The following SRBD1 variants were observed in gnomAD, a reference collection of about 807,000 sequenced individuals.
The protein encoded by SRBD1 is S1 RNA-binding domain-containing protein 1.
Under a neutral mutation model 115.3 loss-of-function variants are expected in SRBD1, and 88 were observed. The observed-to-expected ratio is 0.76, with a 90% confidence interval of 0.64 to 0.91. The LOEUF (loss-of-function observed/expected upper bound fraction) is 0.91. SRBD1 is among the 40% of genes least tolerant of loss of function. The pLI is 0.00. For synonymous variants in SRBD1, 509 were observed against 407.7 expected, an observed-to-expected ratio of 1.25 and a Z score of -2.99; for missense variants, 1,385 against 1,177.4, an observed-to-expected ratio of 1.18 and a Z score of -2.58.
chr2:45,511,246 C>T (rs898087819), intron 14 of SRBD1, among the ~76,000 whole-genome samples: 4 of 152,190 alleles, frequency 2.6e-5, no homozygotes, highest in Non-Finnish European at 4.4e-5. Context: ...TTTGTTGTTT[C>T]GCCAAAGCTG....
intron 16 of SRBD1, among the ~76,000 whole-genome samples, chr2:45,454,452 G>T (rs1669091714): frequency 6.6e-6 from 1 of 151,798 alleles, no homozygotes; most frequent in African/African-American, 2.4e-5. Context: ...ATTAATAGTT[G>T]TACATTTCTT....
At chr2:45,610,925 C>G (rs971632836) in intron 1 of SRBD1, among the ~76,000 whole-genome samples, 3 of 114,156 alleles carry the variant, frequency 2.6e-5, no homozygotes, top group Non-Finnish European at 5.2e-5. Flanking sequence ...GAGACTCCGT[C>G]TCAAAAAAAA....
chr2:45,393,505 C>T (rs1470985019), intron 19 of SRBD1, among the ~76,000 whole-genome samples: 7 of 152,062 alleles, frequency 4.6e-5, no homozygotes, highest in Non-Finnish European at 1.0e-4. Flanking sequence ...CTCAGCCTCC[C>T]GAGTAGCTGG....
At chr2:45,488,636 C>A (rs948407297) in intron 14 of SRBD1, among the ~76,000 whole-genome samples, 1 of 152,070 alleles carries the variant, frequency 6.6e-6, no homozygotes, top group Non-Finnish European at 1.5e-5. Flanking sequence ...GAATACTCTC[C>A]CATGATGCCA....
At chr2:45,437,355 T>C (rs1326048825) in intron 16 of SRBD1, among the ~76,000 whole-genome samples, 1 of 55,906 alleles carries the variant, frequency 1.8e-5, no homozygotes, top group Non-Finnish European at 3.3e-5. Flanking sequence ...GCAGTATTGG[T>C]TTAAAAAAAA....
chr2:45,390,213 A>G (rs984264840), intron 20 of SRBD1, among the ~76,000 whole-genome samples: 1 of 152,222 alleles, frequency 6.6e-6, no homozygotes, highest in African/African-American at 2.4e-5. Flanking sequence ...CAGACCAGGT[A>G]GTATCTAATA....
chr2:45,531,231 A>G (rs6754449), intron 14 of SRBD1, among the ~76,000 whole-genome samples: 3 of 151,498 alleles, frequency 2.0e-5, no homozygotes, highest in Non-Finnish European at 4.4e-5. Flanking sequence ...CAACTAACTG[A>G]CAAGTCCAGG....
chr2:45,594,245 C>T (rs903422298), intron 4 of SRBD1, among the ~76,000 whole-genome samples: 1 of 152,292 alleles, frequency 6.6e-6, no homozygotes, highest in Non-Finnish European at 1.5e-5. Flanking sequence ...TCTTCACGCA[C>T]ATAATTCCAC....
Position 45,605,356 on chromosome 2 carries a change from G to A in SRBD1, c.80+6C>T. 1 of 1,611,378 alleles carries A rather than the reference G, an allele frequency of 6.2e-7. No homozygotes were observed. Among genetic ancestry groups the A allele is most frequent in the South Asian group, 1.1e-5 (1 of 90,936 alleles). On this transcript the variant is annotated splice_donor_region_variant and intron_variant, in intron 2 of 20. Coordinates refer to ENST00000263736, the MANE Select transcript of SRBD1 (RefSeq NM_018079.5). ...CCCTACCCACATATTAAACCAGTAT[G>A]CTTACAACTCAGAGAATGAAGAAAA...
intron 14 of SRBD1, among the ~76,000 whole-genome samples, chr2:45,538,527 A>T (rs1671836087): frequency 6.6e-6 from 1 of 152,232 alleles, no homozygotes; most frequent in Admixed American, 6.5e-5. Flanking sequence ...TCAAGTTTGG[A>T]TCTCTGATTA....
chr2:45,559,035 T>C (rs1351044225), intron 10 of SRBD1, among the ~76,000 whole-genome samples: 1 of 152,090 alleles, frequency 6.6e-6, no homozygotes, highest in Non-Finnish European at 1.5e-5. Context: ...CACCTCTCCC[T>C]AACCAATCCA....
At chr2:45,588,262 G>A (rs1414396967) in intron 4 of SRBD1, among the ~76,000 whole-genome samples, 1 of 152,136 alleles carries the variant, frequency 6.6e-6, no homozygotes, top group Admixed American at 6.5e-5. Context: ...CCAAAAGAAA[G>A]CAGCCTCTCT....
At chr2:45,482,810 G>A (rs551957064) in intron 15 of SRBD1, among the ~76,000 whole-genome samples, 1 of 151,980 alleles carries the variant, frequency 6.6e-6, no homozygotes, top group Non-Finnish European at 1.5e-5. Flanking sequence ...GGATGCTCAA[G>A]TCCTTTATAT....
intron 19 of SRBD1, among the ~76,000 whole-genome samples, chr2:45,396,509 T>C (rs190436633): frequency 1.4e-4 from 21 of 152,288 alleles, no homozygotes; most frequent in Admixed American, 3.3e-4. Context: ...CCATCTTACT[T>C]AAAGTAAGAA....
intron 14 of SRBD1, among the ~76,000 whole-genome samples, chr2:45,511,664 CAA>C (rs771353955): frequency 2.7e-4 from 41 of 152,264 alleles, no homozygotes; most frequent in Non-Finnish European, 5.1e-4. Flanking sequence ...ATGTTATCGG[CAA>C]AAATTCAATG....
At position 45,601,921 on chromosome 2, in the gene SRBD1, A is replaced by G. The variant is rs761997710; in HGVS notation, c.243T>C (p.Val81=). The G allele has an allele frequency of 3.1e-6, 5 of 1,614,088 alleles. No individual in the cohort carries two copies. Among genetic ancestry groups the G allele is most frequent in the South Asian group, 2.2e-5 (2 of 91,064 alleles). ...CACCTACCAGCTCCTCCTTAACAAC[A>G]ACGACTTCTGAGCCATCACTGATCT... ...APQISDGSEV[V]VVKEELNSSV... Residue 81 remains valine (V), a synonymous_variant, in exon 3 of 21, where the codon GTT becomes GTC. Coordinates refer to ENST00000263736, the MANE Select transcript of SRBD1 (RefSeq NM_018079.5).
chr2:45,440,612 T>A (rs1005801478), intron 16 of SRBD1, among the ~76,000 whole-genome samples: 1 of 152,232 alleles, frequency 6.6e-6, no homozygotes, highest in Non-Finnish European at 1.5e-5. Context: ...CCTGACATAA[T>A]ACAAAGGAGT....
At chr2:45,423,233 GA>G (rs1285576880) in intron 16 of SRBD1, among the ~76,000 whole-genome samples, 2 of 152,062 alleles carry the variant, frequency 1.3e-5, no homozygotes, top group African/African-American at 4.8e-5. Flanking sequence ...GGGCTAAAAT[GA>G]AAACAATGGA....
Position 45,492,757 on chromosome 2 carries a change from A to T in SRBD1, c.1875-4426T>A, listed in dbSNP as rs563973958. Among the ~76,000 whole-genome samples, 456 of 151,532 alleles carry T rather than the reference A, an allele frequency of 3.0e-3. 4 individuals carry two copies. Among genetic ancestry groups the T allele is most frequent in the African/African-American group, 0.01 (412 of 41,198 alleles). The stretch of plus-strand genomic sequence containing the variant: ...CCCAGCCAAAACTATTTTTTTTTTT[A>T]AATTACTGGGCTAACAGTTTTCACC... On this transcript the variant is annotated intron_variant, in intron 14 of 20. Transcript: ENST00000263736.
Sources: allele counts gnomAD v4.1 joint callset (sites outside exome capture counted in the v4.1 genomes callset), GRCh38; gene constraint gnomAD v4.1.1; transcripts MANE v1.5; gene names NCBI Gene and HGNC (gene_info 2026-07-23, HGNC 2026-07-21).